The following SHISA6 variants were observed in gnomAD, a reference collection of about 807,000 sequenced individuals.
SHISA6 encodes the protein protein shisa-6.
SHISA6 carries 22 observed loss-of-function variants against 47.9 expected under a neutral mutation model. That is an observed-to-expected ratio of 0.46 (90% CI 0.33 to 0.66). The LOEUF is 0.66. Among genes scored for constraint, SHISA6 ranks in the 30% least tolerant of loss-of-function variants. SHISA6 has a pLI of 0.02. For synonymous variants in SHISA6, 388 were observed against 337.8 expected (o/e 1.15, Z -1.63); for missense variants, 680 against 764.6 (o/e 0.89, Z 1.30).
intron 3 of SHISA6, among the ~76,000 whole-genome samples, chr17:11,543,926 A>C (rs1205337088): frequency 3.6e-5 from 5 of 140,824 alleles, no homozygotes; most frequent in African/African-American, 5.6e-5. Flanking sequence ...AAAAAAAAAA[A>C]CAAAAAAAAG....
chr17:11,448,024 G>A (rs1057002955), intron 3 of SHISA6, among the ~76,000 whole-genome samples: 41 of 152,142 alleles, frequency 2.7e-4, no homozygotes, highest in African/African-American at 7.0e-4. Context: ...ACAGTCGATC[G>A]TGACTCACCC....
intron 3 of SHISA6, among the ~76,000 whole-genome samples, chr17:11,520,789 T>A (rs1177650839): frequency 6.6e-6 from 1 of 152,182 alleles, no homozygotes; most frequent in African/African-American, 2.4e-5. Flanking sequence ...ACTACCTCGA[T>A]CACCCTAATA....
intron 3 of SHISA6, among the ~76,000 whole-genome samples, chr17:11,429,498 C>T (rs1407910362): frequency 1.3e-5 from 2 of 151,770 alleles, no homozygotes; most frequent in East Asian, 1.9e-4. Context: ...TTCAAATATC[C>T]GGCCAGGCGC....
intron 3 of SHISA6, among the ~76,000 whole-genome samples, chr17:11,446,241 C>A (rs1325483385): frequency 1.3e-5 from 2 of 152,120 alleles, no homozygotes; most frequent in Admixed American, 1.3e-4. Context: ...TAGGTCAAAG[C>A]AGTATACTTG....
chr17:11,420,595 G>C (rs1453926353), intron 3 of SHISA6, among the ~76,000 whole-genome samples: 1 of 152,182 alleles, frequency 6.6e-6, no homozygotes, highest in Non-Finnish European at 1.5e-5. Context: ...AAAAGATGCA[G>C]GCATTAATAG....
intron 3 of SHISA6, among the ~76,000 whole-genome samples, chr17:11,545,270 G>A (rs954088157): frequency 6.6e-5 from 10 of 152,118 alleles, no homozygotes; most frequent in East Asian, 1.9e-4. Flanking sequence ...AATTACACTC[G>A]CTGAAAGAAA....
At position 11,461,636 on chromosome 17, in the gene SHISA6, C is replaced by T. The variant is rs112068380; in HGVS notation, c.895+82127C>T. 1.2e-3 allele frequency among the ~76,000 whole-genome samples: 184 copies of T among 152,216 alleles called. 1 individual carries two copies. The highest frequency in any genetic ancestry group is 4.2e-3 in the African/African-American group (175 of 41,520). ...GTTTCCACAGGAAGGTAAGGCAGAG[C>T]AGGGTAAGCAGGCTTAGGATTGGCT... is the stretch of plus-strand genomic sequence containing the variant. On this transcript the variant is annotated intron_variant, in intron 3 of 5. Transcript: ENST00000441885.
chr17:11,248,221 A>G (rs1907664296), intron 1 of SHISA6, among the ~76,000 whole-genome samples: 1 of 152,020 alleles, frequency 6.6e-6, no homozygotes, highest in South Asian at 2.1e-4. Context: ...TGCTAACTCT[A>G]TTTTTTTTAA....
chr17:11,374,417 T>A (rs1220391566), intron 2 of SHISA6, among the ~76,000 whole-genome samples: 1 of 152,164 alleles, frequency 6.6e-6, no homozygotes, highest in Non-Finnish European at 1.5e-5. Flanking sequence ...TACTCTGAGA[T>A]CATTAACATA....
At chr17:11,399,762 G>A (rs192006179) in intron 3 of SHISA6, among the ~76,000 whole-genome samples, 1 of 152,222 alleles carries the variant, frequency 6.6e-6, no homozygotes, top group African/African-American at 2.4e-5. Context: ...AGGAGGACAG[G>A]AATCAGAAAA....
Position 11,558,696 on chromosome 17 carries a change from T to G in SHISA6, c.*392T>G. The G allele has an allele frequency of 3.8e-6, 1 of 264,114 alleles. No homozygotes were observed. The highest frequency in any genetic ancestry group is 7.3e-6 in the Non-Finnish European group (1 of 136,502). The allele number at this position is 264,114 out of a possible 1,614,324, so 16.4% of individuals were successfully genotyped here. ...TGCTTGACTGTGGTCTGAAGCTGCCTGGGTTTGAAGGGGCCAGCGGGTCCA... is the reference window on the plus strand; with the variant it reads ...TGCTTGACTGTGGTCTGAAGCTGCCGGGGTTTGAAGGGGCCAGCGGGTCCA... On this transcript the variant is annotated 3_prime_UTR_variant, in exon 6 of 6. Transcript: ENST00000441885.
At chr17:11,555,558 C>T (rs2071969854) in intron 4 of SHISA6, among the ~76,000 whole-genome samples, 182 bp from the exon 5 acceptor site, 2 of 151,712 alleles carry the variant, frequency 1.3e-5, no homozygotes, top group Admixed American at 6.6e-5. Flanking sequence ...ACAGCATCTG[C>T]CCCTAGGCTT....
At chr17:11,383,032 G>A (rs1913073724) in intron 3 of SHISA6, among the ~76,000 whole-genome samples, 1 of 147,822 alleles carries the variant, frequency 6.8e-6, no homozygotes, top group Admixed American at 7.0e-5. Context: ...CTGTCTCCCG[G>A]GTCCAAGCAA....
At chr17:11,275,828 T>C (rs1160030865) in intron 2 of SHISA6, among the ~76,000 whole-genome samples, 3 of 152,050 alleles carry the variant, frequency 2.0e-5, no homozygotes, top group Non-Finnish European at 4.4e-5. Flanking sequence ...AAGTCAGAGA[T>C]GAGGGGCCTT....
chr17:11,446,832 T>C (rs1042896459), intron 3 of SHISA6, among the ~76,000 whole-genome samples: 22 of 152,226 alleles, frequency 1.4e-4, no homozygotes, highest in African/African-American at 5.3e-4. Flanking sequence ...TGTGGGTTCT[T>C]TGTCTGGAAA....
chr17:11,541,189 C>G (rs1039600648), intron 3 of SHISA6, among the ~76,000 whole-genome samples: 2 of 152,188 alleles, frequency 1.3e-5, no homozygotes, highest in African/African-American at 4.8e-5. Flanking sequence ...AGATGGAAAC[C>G]CAGCTGCTCT....
intron 1 of SHISA6, among the ~76,000 whole-genome samples, chr17:11,248,312 G>C (rs1489757632): frequency 6.6e-6 from 1 of 152,156 alleles, no homozygotes; most frequent in Admixed American, 6.5e-5. Context: ...GAATTATAAC[G>C]TTTTCATTGC....
At chr17:11,301,185 C>T (rs898708253) in intron 2 of SHISA6, among the ~76,000 whole-genome samples, 3 of 152,026 alleles carry the variant, frequency 2.0e-5, no homozygotes, top group South Asian at 2.1e-4. Context: ...TAGTTTTCTT[C>T]CTCCCTAACA....
At chr17:11,447,120 A>G (rs114058378) in intron 3 of SHISA6, among the ~76,000 whole-genome samples, 226 of 152,342 alleles carry the variant, frequency 1.5e-3, no homozygotes, top group African/African-American at 5.0e-3. Flanking sequence ...ACAATGAGCT[A>G]TCTCCAGGTG....
Sources: allele counts gnomAD v4.1 joint callset (sites outside exome capture counted in the v4.1 genomes callset), GRCh38; gene constraint gnomAD v4.1.1; transcripts MANE v1.5; gene names NCBI Gene and HGNC (gene_info 2026-07-23, HGNC 2026-07-21).